NLRC3: variants seen among roughly 807,000 people sequenced by gnomAD.
NLRC3 encodes NLR family CARD domain-containing protein 3.
NLRC3 carries 87 observed loss-of-function variants against 91.6 expected under a neutral mutation model. The observed-to-expected ratio is 0.95, with a 90% CI of 0.80 to 1.14. NLRC3 has a LOEUF of 1.14. Ranked by LOEUF, NLRC3 falls within the 50% of genes most tolerant of loss-of-function variation. NLRC3 has a pLI of 0.00. For synonymous variants in NLRC3, 694 were observed against 625.3 expected, an observed-to-expected ratio of 1.11 and a Z score of -1.64; for missense variants, 1,577 against 1,418.6, an observed-to-expected ratio of 1.11 and a Z score of -1.79.
Position 3,563,781 on chromosome 16 carries a change from T to A in NLRC3, c.1156A>T (p.Ile386Phe). ...GQEKGKASPRIEQVAHGGRKM... is the reference protein window; with the variant it reads ...GQEKGKASPRFEQVAHGGRKM... ...CGGCCACCATGGGCCACCTGCTCGA[T>A]GCGAGGGCTTGCCTTGCCCTTCTCC... Residue 386 changes from isoleucine to phenylalanine, a missense_variant, in exon 5 of 20, where the codon ATC becomes TTC. Ile to Phe is a conservative substitution (Grantham distance 21, BLOSUM62 0). Coordinates refer to ENST00000359128, the MANE Select transcript of NLRC3 (RefSeq NM_178844.4). The A allele has an allele frequency of 6.2e-7, 1 of 1,612,804 alleles. No homozygotes were observed.
chr16:3,563,220 C>T lies in NLRC3; in HGVS notation c.1717G>A (p.Glu573Lys). 5 of 1,602,300 alleles carry T rather than the reference C, an allele frequency of 3.1e-6. No homozygotes were observed. The highest frequency in any genetic ancestry group is 1.7e-5 in the Admixed American group (1 of 59,144). ...RAINVLHCLH[E>K]LQHTELARSV... ...CGGGCCAGCTCGGTGTGCTGCAGCT[C>T]ATGCAGGCAGTGCAACACGTTGATG... The change falls in exon 5 of 20, where the codon GAG becomes AAG. Residue 573 changes from glutamate (E) to lysine (K), a missense_variant. Glu to Lys is a moderately conservative substitution (Grantham distance 56). Coordinates refer to ENST00000359128, the MANE Select transcript of NLRC3 (RefSeq NM_178844.4).
chr16:3,568,082 T>C (rs1358309863), intron 1 of NLRC3, among the ~76,000 whole-genome samples: 5 of 152,102 alleles, frequency 3.3e-5, no homozygotes, highest in Non-Finnish European at 7.4e-5. Flanking sequence ...ACCGGGCTGG[T>C]CTTGAACTCT....
chr16:3,542,332 C>A, intron 18 of NLRC3, 58 bp from the exon 19 acceptor site: 1 of 1,076,104 alleles, frequency 9.3e-7, no homozygotes, highest in Non-Finnish European at 1.4e-6. Flanking sequence ...GGAAAACACC[C>A]GGGGAAGCAA....
At chr16:3,551,300 C>T (rs1056409706) in intron 10 of NLRC3, among the ~76,000 whole-genome samples, 1 of 151,338 alleles carries the variant, frequency 6.6e-6, no homozygotes, top group African/African-American at 2.4e-5. Flanking sequence ...ACTCACCCAT[C>T]CATCCATCCA....
intron 1 of NLRC3, 99 bp downstream of exon 1, chr16:3,577,050 C>A: frequency 1.4e-6 from 1 of 700,224 alleles, no homozygotes; most frequent in Non-Finnish European, 2.6e-6. Flanking sequence ...CCCCAGTCCC[C>A]CTCCCCAGAG....
intron 1 of NLRC3, among the ~76,000 whole-genome samples, chr16:3,570,704 T>C (rs898059988): frequency 9.9e-5 from 15 of 151,972 alleles, no homozygotes; most frequent in African/African-American, 3.4e-4. Context: ...GGAGGGACAT[T>C]TCAGGCCAAG....
At chr16:3,573,657 G>A (rs1219661647) in intron 1 of NLRC3, among the ~76,000 whole-genome samples, 1 of 152,176 alleles carries the variant, frequency 6.6e-6, no homozygotes, top group East Asian at 1.9e-4. Context: ...TGGCCAGGAG[G>A]ATGAGAGGAC....
At chr16:3,569,351 A>G (rs907895206) in intron 1 of NLRC3, among the ~76,000 whole-genome samples, 1 of 130,118 alleles carries the variant, frequency 7.7e-6, no homozygotes, top group Admixed American at 7.8e-5. Flanking sequence ...AAGAATTTTT[A>G]TCTCTTTATT....
chr16:3,571,889 AAG>A, intron 1 of NLRC3, among the ~76,000 whole-genome samples: 1 of 151,712 alleles, frequency 6.6e-6, no homozygotes, highest in Non-Finnish European at 1.5e-5. Context: ...GCAGTGAGCC[AAG>A]ATGGCGCCAC....
Position 3,541,834 on chromosome 16 carries a change from A to G in NLRC3, c.3189T>C (p.Val1063=), listed in dbSNP as rs1294868650. 6 of 1,607,724 alleles carry G rather than the reference A, an allele frequency of 3.7e-6. No individual in the cohort carries two copies. Among genetic ancestry groups the G allele is most frequent in the Non-Finnish European group, 5.1e-6 (6 of 1,174,804 alleles). The change falls in exon 20 of 20, where the codon GTT becomes GTC. Residue 1063 remains valine, a synonymous_variant. Transcript: ENST00000359128. The part of the protein sequence containing the change: ...AIKTNAPTCT[V]EM ...GATCCGTCCACCAGGATCACATTTCAACAGTGCACGTGGGAGCATTTGTCT... is the reference window on the plus strand; with the variant it reads ...GATCCGTCCACCAGGATCACATTTCGACAGTGCACGTGGGAGCATTTGTCT...
chr16:3,544,160 AG>A (rs1181342517), intron 16 of NLRC3, 85 bp downstream of exon 16: 2 of 786,064 alleles, frequency 2.5e-6, no homozygotes, highest in South Asian at 1.6e-5. Context: ...TCTTGTCTCG[AG>A]GAAAAAAAAA....
chr16:3,563,338 C>T lies in NLRC3; in HGVS notation c.1599G>A (p.Leu533=). 1 of 1,593,280 alleles carries T rather than the reference C, an allele frequency of 6.3e-7. No homozygotes were observed. Among genetic ancestry groups the T allele is most frequent in the Non-Finnish European group, 8.5e-7 (1 of 1,171,062 alleles). The change falls in exon 5 of 20, where the codon CTG becomes CTA. Residue 533 remains leucine, a synonymous_variant. Transcript: ENST00000359128. ...AGGCCTGGTGCTCGCCTTGGGCCAG[C>T]AGGGAGCCGGCCAGGAGGGCATTGA... The part of the protein sequence containing the change: ...PRVNALLAGS[L]LAQGEHQAYR...
At chr16:3,552,454 C>A (rs1029021872) in intron 9 of NLRC3, among the ~76,000 whole-genome samples, 175 bp from the exon 10 acceptor site, 2 of 152,092 alleles carry the variant, frequency 1.3e-5, no homozygotes, top group African/African-American at 4.8e-5. Flanking sequence ...GATAATGGAC[C>A]AACATTATGA....
Position 3,564,377 on chromosome 16 carries a change from T to C in NLRC3, c.560A>G (p.Lys187Arg). The C allele has an allele frequency of 6.2e-7, 1 of 1,612,496 alleles. No homozygotes were observed. The highest frequency in any genetic ancestry group is 1.7e-5 in the Admixed American group (1 of 60,022). ...GCAGATGAGTCGGTCGGCACACAGCTTCTCGTGGGTGTTGAGATCCCGGAA... is the reference window on the plus strand; with the variant it reads ...GCAGATGAGTCGGTCGGCACACAGCCTCTCGTGGGTGTTGAGATCCCGGAA... Reference protein sequence around the residue: ...LTFRDLNTHEKLCADRLICSV... With the variant: ...LTFRDLNTHERLCADRLICSV... Residue 187 changes from lysine (K) to arginine (R), a missense_variant, in exon 5 of 20, where the codon AAG (lysine) becomes AGG (arginine). Transcript: ENST00000359128. The surrounding 1 kb of genome is among the most constrained non-coding windows in gnomAD (Gnocchi z 5.9).
In NLRC3 at chr16:3,549,775, T is replaced by C. The variant is rs2151086254; in HGVS notation, c.2441A>G (p.Gln814Arg). Residue 814 changes from glutamine (Q) to arginine (R), a missense_variant, in exon 12 of 20, where the codon CAG becomes CGG. Physicochemically the swap from Gln to Arg is conservative, Grantham distance 43. Coordinates refer to ENST00000359128, the MANE Select transcript of NLRC3 (RefSeq NM_178844.4). ...TCCTGCGTCACTGATGGAATTGCTC[T>C]GCAGGCTGCGGAAAGAGGAGGCGCC... ...VNQGLESLDL[Q>R]SNSISDAGVA... The C allele has an allele frequency of 6.4e-7, 1 of 1,550,472 alleles. No homozygotes were observed. The highest frequency in any genetic ancestry group is 2.4e-5 in the East Asian group (1 of 40,906).
chr16:3,552,717 G>A lies in NLRC3; in HGVS notation c.2268-438C>T, dbSNP rs750978204. ...AGCACCTTGGGAGGCCAAGGTGGGC[G>A]GATCACGATGTTAACAGATCGAGAC... On this transcript the variant is annotated intron_variant, in intron 9 of 19. Transcript: ENST00000359128. Among the ~76,000 whole-genome samples the A allele has an allele frequency of 5.4e-4, 82 of 152,216 alleles. 1 individual carries two copies. Among genetic ancestry groups the A allele is most frequent in the Middle Eastern group, 3.4e-3 (1 of 294 alleles).
chr16:3,566,302 T>TAAACCA (rs2039883002), intron 2 of NLRC3, among the ~76,000 whole-genome samples: 1 of 151,954 alleles, frequency 6.6e-6, no homozygotes, highest in East Asian at 1.9e-4. Flanking sequence ...AATTTTTCTG[T>TAAACCA]AAACCTGGCC....
chr16:3,549,590 T>A (rs566363008), intron 12 of NLRC3, 107 bp downstream of exon 12: 1 of 884,720 alleles, frequency 1.1e-6, no homozygotes, highest in South Asian at 1.6e-5. Context: ...CCAGGAAGGC[T>A]TCCCCAGCCA....
At chr16:3,553,775 G>A (rs892852082) in intron 9 of NLRC3, among the ~76,000 whole-genome samples, 2 of 148,916 alleles carry the variant, frequency 1.3e-5, no homozygotes, top group African/African-American at 2.5e-5. Context: ...ACAGAGTCTC[G>A]CTGTCGCCCA....
Sources: gnomAD v4.1 joint callset for allele counts (sites outside exome capture counted in the v4.1 genomes callset) on GRCh38, gnomAD v4.1.1 for gene constraint, Gnocchi (gnomAD v3.1) non-coding constraint, MANE v1.5 for transcripts, NCBI Gene and HGNC (gene_info 2026-07-23, HGNC 2026-07-21) for gene names.